The following LMO7 variants were observed in gnomAD, a reference collection of about 807,000 sequenced individuals.
LMO7 encodes the protein LIM domain 7, also known as LIM domain only protein 7.
LMO7 carries 120 observed loss-of-function variants against 206.5 expected under a neutral mutation model. The ratio of observed to expected loss-of-function variants is 0.58; its 90% CI spans 0.50 to 0.68. LMO7 has a LOEUF of 0.68. LMO7 is among the 30% of genes least tolerant of loss of function. LMO7 has a pLI of 0.00. For missense variants in LMO7, 1,959 were observed against 1,957.9 expected (o/e 1.00, Z -0.01); for synonymous variants, 706 against 681.5 (o/e 1.04, Z -0.56).
At chr13:75,718,667 A>C (rs1166180756) in intron 2 of LMO7, among the ~76,000 whole-genome samples, 1 of 152,176 alleles carries the variant, frequency 6.6e-6, no homozygotes. Context: ...TCCATGGTTT[A>C]CATTAGGGTT....
chr13:75,712,171 C>G (rs1318174111), intron 1 of LMO7, among the ~76,000 whole-genome samples: 2 of 152,138 alleles, frequency 1.3e-5, no homozygotes, highest in African/African-American at 4.8e-5. Flanking sequence ...GGTAAAGGTC[C>G]CTTCGTTGAG....
At chr13:75,703,508 T>C (rs1204127782) in intron 1 of LMO7, among the ~76,000 whole-genome samples, 1 of 152,204 alleles carries the variant, frequency 6.6e-6, no homozygotes, top group Non-Finnish European at 1.5e-5. Context: ...TGTAGCTCAA[T>C]TTCCTCATGT....
chr13:75,717,351 A>G (rs979976486), intron 2 of LMO7, among the ~76,000 whole-genome samples: 1 of 134,848 alleles, frequency 7.4e-6, no homozygotes, highest in African/African-American at 2.9e-5. Context: ...CAACAGAGTG[A>G]GACTCCGTCT....
intron 6 of LMO7, 135 bp downstream of exon 6, chr13:75,796,884 A>G (rs1337356685): frequency 4.8e-6 from 3 of 626,186 alleles, no homozygotes; most frequent in Non-Finnish European, 5.6e-6. Context: ...CCTACTATCA[A>G]TTGGGCTGAG....
At chr13:75,854,116 G>T (rs2060726118) in intron 28 of LMO7, among the ~76,000 whole-genome samples, 1 of 152,136 alleles carries the variant, frequency 6.6e-6, no homozygotes, top group African/African-American at 2.4e-5. Flanking sequence ...CTTCTCCACA[G>T]ATCTTTCATG....
At chr13:75,782,874 C>T (rs2051750841) in intron 4 of LMO7, among the ~76,000 whole-genome samples, 2 of 152,172 alleles carry the variant, frequency 1.3e-5, no homozygotes, top group South Asian at 2.1e-4. Context: ...TGGGATAATC[C>T]AGGATGTCTC....
intron 3 of LMO7, among the ~76,000 whole-genome samples, chr13:75,729,860 G>T (rs2044942463): frequency 6.6e-6 from 1 of 150,662 alleles, no homozygotes; most frequent in Non-Finnish European, 1.5e-5. Context: ...TTTGTCAAAG[G>T]CCTTTTCTGC....
At chr13:75,719,979 G>T (rs761610958) in intron 2 of LMO7, among the ~76,000 whole-genome samples, 3 of 152,118 alleles carry the variant, frequency 2.0e-5, no homozygotes, top group Non-Finnish European at 4.4e-5. Context: ...AGTTTTTGTT[G>T]TTCCACGTTG....
chr13:75,815,374 T>C (rs2056876157), intron 11 of LMO7, among the ~76,000 whole-genome samples: 1 of 152,158 alleles, frequency 6.6e-6, no homozygotes, highest in Non-Finnish European at 1.5e-5. Flanking sequence ...GGACCAGTTA[T>C]GGTATATGAG....
intron 3 of LMO7, among the ~76,000 whole-genome samples, chr13:75,757,563 C>T (rs2047772377): frequency 6.6e-6 from 1 of 152,038 alleles, no homozygotes. Flanking sequence ...TTACCCTAGC[C>T]CACTCCACCC....
intron 4 of LMO7, among the ~76,000 whole-genome samples, chr13:75,791,127 G>T (rs932097950): frequency 1.3e-5 from 2 of 151,784 alleles, no homozygotes; most frequent in Non-Finnish European, 2.9e-5. Flanking sequence ...GGATTCTTTG[G>T]GCTCTGTCTT....
intron 3 of LMO7, among the ~76,000 whole-genome samples, chr13:75,758,803 T>G (rs1424466986): frequency 6.6e-6 from 1 of 152,238 alleles, no homozygotes; most frequent in African/African-American, 2.4e-5. Context: ...TAGTTTAACC[T>G]TATTTTAATA....
chr13:75,821,421 G>A lies in LMO7; in HGVS notation c.2452G>A (p.Glu818Lys). 1 of 1,614,144 alleles carries A rather than the reference G, an allele frequency of 6.2e-7. No homozygotes were observed. The highest frequency in any genetic ancestry group is 8.5e-7 in the Non-Finnish European group (1 of 1,180,014). ...EIQLPSQSPV[E>K]EQSPASLSSL... ...TCAGCTTCCTTCTCAAAGTCCTGTG[G>A]AAGAACAAAGCCCAGCCTCTTTGTC... Residue 818 changes from glutamate (E) to lysine (K), a missense_variant, in exon 14 of 31, where the codon GAA becomes AAA. Coordinates refer to ENST00000377534, the MANE Select transcript of LMO7 (RefSeq NM_001306080.2).
At chr13:75,713,997 T>C (rs1231342954) in intron 2 of LMO7, among the ~76,000 whole-genome samples, 2 of 152,218 alleles carry the variant, frequency 1.3e-5, no homozygotes, top group Admixed American at 6.5e-5. Flanking sequence ...AAGAATGTAC[T>C]TGAGTACTCA....
In LMO7 at chr13:75,621,774, C is replaced by T. The variant is rs147761344; in HGVS notation, c.81C>T (p.Leu27=). ...ATGTTCTCTTCCAGAGAACAGAGCT[C>T]GGAGCTCTGGAAATTTGGAGGCAAC... The change falls in exon 1 of 30, where the codon CTC becomes CTT. Residue 27 remains leucine, a synonymous_variant. Transcript: ENST00000341547. 161 of 1,613,140 alleles carry T rather than the reference C, an allele frequency of 1.0e-4. 4 individuals carry two copies. The East Asian group carries it at 1.2e-3, about 12-fold the overall frequency.
intron 1 of LMO7, among the ~76,000 whole-genome samples, chr13:75,655,034 C>T (rs969246413): frequency 1.3e-5 from 2 of 152,038 alleles, no homozygotes; most frequent in Non-Finnish European, 2.9e-5. Flanking sequence ...CCACGCCCGG[C>T]TAATTTTTGT....
At chr13:75,780,877 A>AT (rs1339097711) in intron 4 of LMO7, among the ~76,000 whole-genome samples, 3 of 152,046 alleles carry the variant, frequency 2.0e-5, no homozygotes, top group South Asian at 2.1e-4. Context: ...TCCTGCAACA[A>AT]TTTTTTGGAC....
intron 26 of LMO7, among the ~76,000 whole-genome samples, chr13:75,848,310 AC>A (rs1021709523): frequency 2.0e-5 from 3 of 152,194 alleles, no homozygotes; most frequent in African/African-American, 7.2e-5. Flanking sequence ...GTGAGAACAT[AC>A]GATGTTTGGT....
intron 1 of LMO7, among the ~76,000 whole-genome samples, chr13:75,698,743 C>A (rs1594355236): frequency 6.6e-6 from 1 of 151,484 alleles, no homozygotes; most frequent in Non-Finnish European, 1.5e-5. Context: ...AAAAAGTTAC[C>A]TTTATTGAGT....
Sources: gnomAD v4.1 joint callset for allele counts (sites outside exome capture counted in the v4.1 genomes callset) on GRCh38, gnomAD v4.1.1 for gene constraint, MANE v1.5 for transcripts, NCBI Gene and HGNC (gene_info 2026-07-23, HGNC 2026-07-21) for gene names.